SLC12A6: variants seen among roughly 807,000 people sequenced by gnomAD.
The protein encoded by SLC12A6 is K-Cl cotransporter 3.
In SLC12A6, 66 loss-of-function variants were observed where a neutral mutation model predicts 135.3. The observed-to-expected ratio is 0.49, with a 90% confidence interval of 0.40 to 0.60. The LOEUF (loss-of-function observed/expected upper bound fraction) is 0.60, where lower values mean the gene tolerates loss of function less well. Ranked by LOEUF, SLC12A6 falls within the 20% of genes least tolerant of loss-of-function variation. The pLI is 0.00. For synonymous variants in SLC12A6, 513 were observed against 508.8 expected, an observed-to-expected ratio of 1.01 and a Z score of -0.11; for missense variants, 1,058 against 1,452.3, an observed-to-expected ratio of 0.73 and a Z score of 4.41.
chr15:34,273,882 G>T (rs1442810844), intron 3 of SLC12A6, among the ~76,000 whole-genome samples: 2 of 146,202 alleles, frequency 1.4e-5, no homozygotes, highest in East Asian at 2.0e-4. Context: ...AATAATACCT[G>T]TTTTTTTTTT....
chr15:34,330,945 G>A (rs1430436338), intron 2 of SLC12A6, among the ~76,000 whole-genome samples: 1 of 152,072 alleles, frequency 6.6e-6, no homozygotes, highest in Non-Finnish European at 1.5e-5. Flanking sequence ...GGGAGGCTGA[G>A]GCAGAAGAAT....
At chr15:34,301,050 C>T (rs1252622457) in intron 2 of SLC12A6, among the ~76,000 whole-genome samples, 1 of 151,998 alleles carries the variant, frequency 6.6e-6, no homozygotes, top group Non-Finnish European at 1.5e-5. Flanking sequence ...CTCACTGCAA[C>T]CTCCGCCTCC....
At chr15:34,302,909 C>G (rs573206003) in intron 2 of SLC12A6, among the ~76,000 whole-genome samples, 47 of 145,904 alleles carry the variant, frequency 3.2e-4, no homozygotes, top group Admixed American at 3.1e-3. Flanking sequence ...ATAATCATGA[C>G]ACTGCACTTC....
chr15:34,308,482 G>A (rs1033454259), intron 2 of SLC12A6, among the ~76,000 whole-genome samples: 18 of 151,818 alleles, frequency 1.2e-4, no homozygotes, highest in Admixed American at 7.9e-4. Flanking sequence ...AAAATTAGCC[G>A]GGCATGGTGG....
In SLC12A6 at chr15:34,274,498, T is replaced by G. The variant is rs573597367; in HGVS notation, c.316+847A>C. On this transcript the variant is annotated intron_variant, in intron 3 of 25. Coordinates refer to ENST00000354181, the MANE Select transcript of SLC12A6 (RefSeq NM_001365088.1). ...ATGTTTCTTTTTACACTTTGAAAATTTATCAGTCCTGAGGTCTTGTGAAAT... is the reference window on the plus strand; with the variant it reads ...ATGTTTCTTTTTACACTTTGAAAATGTATCAGTCCTGAGGTCTTGTGAAAT... Among the ~76,000 whole-genome samples the G allele has an allele frequency of 1.3e-4, 20 of 152,218 alleles. No individual in the cohort carries two copies. In the South Asian group the frequency reaches 2.7e-3, roughly 21 times the overall value.
chr15:34,251,206 C>G (rs1027975287), intron 10 of SLC12A6, 149 bp from the exon 11 acceptor site: 1 of 662,478 alleles, frequency 1.5e-6, no homozygotes, highest in Non-Finnish European at 2.7e-6. Flanking sequence ...TATACACACA[C>G]ATTGCACAAT....
intron 2 of SLC12A6, among the ~76,000 whole-genome samples, chr15:34,319,688 G>C (rs1888921134): frequency 6.6e-6 from 1 of 151,640 alleles, no homozygotes; most frequent in African/African-American, 2.4e-5. Context: ...AGTCCCAGCT[G>C]CTCAGGAAGC....
intron 3 of SLC12A6, among the ~76,000 whole-genome samples, chr15:34,265,828 G>C (rs1366739393): frequency 6.6e-6 from 1 of 152,114 alleles, no homozygotes; most frequent in African/African-American, 2.4e-5. Context: ...ACCAATTCAA[G>C]TGAATTCATA....
Position 34,311,429 on chromosome 15 carries a change from A to T in SLC12A6, c.271+24981T>A, listed in dbSNP as rs1016366702. Among the ~76,000 whole-genome samples, 3 of 152,378 alleles carry T rather than the reference A, an allele frequency of 2.0e-5. No individual in the cohort carries two copies. The South Asian group carries it at 6.2e-4, about 32-fold the overall frequency. Reference sequence around the variant, plus strand: ...ATCTGATTAAGTAAATGCAATAATCAGTAAAACTTTGTTATATTGGTCCTA... The same window carrying T: ...ATCTGATTAAGTAAATGCAATAATCTGTAAAACTTTGTTATATTGGTCCTA... On this transcript the variant is annotated intron_variant, in intron 2 of 25. Transcript: ENST00000354181.
chr15:34,304,077 C>T (rs994389599), intron 2 of SLC12A6, among the ~76,000 whole-genome samples: 6 of 152,168 alleles, frequency 3.9e-5, no homozygotes, highest in Non-Finnish European at 8.8e-5. Context: ...ATCTCACTCT[C>T]CCCAACCCTA....
chr15:34,275,365 C>T lies in SLC12A6; in HGVS notation c.296G>A (p.Gly99Glu), dbSNP rs1894230552. Residue 99 changes from glycine to glutamate, a missense_variant, in exon 3 of 26, where the codon GGG becomes GAG. Gly to Glu is a moderately conservative substitution (Grantham distance 98, BLOSUM62 -2). Transcript: ENST00000354181. ...IEDLSQNSITGEHSQLLDDGH... is the reference protein window; with the variant it reads ...IEDLSQNSITEEHSQLLDDGH... ...TATACCTAACAGTTGGCTGTGTTCC[C>T]CTGTGATGGAGTTCTGACTCAGGTC... 3 of 1,546,956 alleles carry T rather than the reference C, an allele frequency of 1.9e-6. No individual in the cohort carries two copies. Among genetic ancestry groups the T allele is most frequent in the African/African-American group, 1.4e-5 (1 of 73,484 alleles).
intron 2 of SLC12A6, among the ~76,000 whole-genome samples, chr15:34,314,244 G>A (rs765952070): frequency 6.6e-5 from 10 of 152,076 alleles, no homozygotes; most frequent in African/African-American, 9.6e-5. Context: ...ACGGGGTTTC[G>A]TTATGTTGGC....
At chr15:34,279,831 GAAAC>G (rs1894554026) in intron 2 of SLC12A6, among the ~76,000 whole-genome samples, 1 of 152,138 alleles carries the variant, frequency 6.6e-6, no homozygotes, top group Non-Finnish European at 1.5e-5. Flanking sequence ...ATAAAAAATA[GAAAC>G]AAACTATATA....
chr15:34,301,912 A>G, intron 2 of SLC12A6, among the ~76,000 whole-genome samples: 1 of 152,252 alleles, frequency 6.6e-6, no homozygotes, highest in East Asian at 1.9e-4. Flanking sequence ...AGTGCTATTT[A>G]GTGGAGTGTC....
intron 2 of SLC12A6, among the ~76,000 whole-genome samples, chr15:34,310,475 AGT>A (rs58752500): frequency 0.18 from 7,341 of 41,498 alleles, 1,522 homozygotes; most frequent in African/African-American, 0.4. Flanking sequence ...CCTGGGCTCA[AGT>A]GTGTGTGTGT....
chr15:34,257,895 G>C (rs1051759023), intron 5 of SLC12A6, 107 bp from the exon 6 acceptor site: 11 of 732,760 alleles, frequency 1.5e-5, no homozygotes, highest in Non-Finnish European at 2.6e-5. Context: ...CCTCCAAGCA[G>C]AAATCATAAG....
chr15:34,261,838 T>C (rs1316253887), intron 3 of SLC12A6, among the ~76,000 whole-genome samples: 2 of 152,172 alleles, frequency 1.3e-5, no homozygotes, highest in African/African-American at 4.8e-5. Context: ...TGGCAATTAT[T>C]AAAAAGTCAA....
intron 3 of SLC12A6, among the ~76,000 whole-genome samples, chr15:34,267,724 T>C (rs1235843518): frequency 6.6e-6 from 1 of 152,244 alleles, no homozygotes; most frequent in African/African-American, 2.4e-5. Flanking sequence ...TTCTGGCTTG[T>C]AACTTTGTGT....
Position 34,283,911 on chromosome 15 carries a change from C to G in SLC12A6, c.272-8522G>C, listed in dbSNP as rs1045822770. ...CACAGTCATGTGCCACTACACCCAG[C>G]CAGTTTTTTGATTTTTTTTATGGAG... On this transcript the variant is annotated intron_variant, in intron 2 of 25. Coordinates refer to ENST00000354181, the MANE Select transcript of SLC12A6 (RefSeq NM_001365088.1). Among the ~76,000 whole-genome samples, 23 of 151,980 alleles carry G rather than the reference C, an allele frequency of 1.5e-4. 1 individual carries two copies. Among genetic ancestry groups the G allele is most frequent in the Admixed American group, 1.0e-3 (16 of 15,240 alleles).
Sources: gnomAD v4.1 joint callset for allele counts (sites outside exome capture counted in the v4.1 genomes callset) on GRCh38, gnomAD v4.1.1 for gene constraint, MANE v1.5 for transcripts, NCBI Gene and HGNC (gene_info 2026-07-23, HGNC 2026-07-21) for gene names.